Variants in PLAC1 observed in about 807,000 individuals in gnomAD.
PLAC1 encodes placenta-specific protein 1.
For synonymous variants in PLAC1, 68 were observed against 62.1 expected, an observed-to-expected ratio of 1.09 and a Z score of -0.44; for missense variants, 136 against 163.2, an observed-to-expected ratio of 0.83 and a Z score of 0.91.
intron 1 of PLAC1, among the ~76,000 whole-genome samples, chrX:134,620,283 A>G (rs1390178188): frequency 8.9e-6 from 1 of 112,450 alleles, no homozygotes; most frequent in Non-Finnish European, 1.9e-5. Context: ...CTTGCCAACT[A>G]GAGGTCCCAT....
At chrX:134,659,105 G>A (rs138979756), upstream of PLAC1, among the ~76,000 whole-genome samples, 9,092 of 109,816 alleles carry the variant, frequency 0.083, 387 homozygotes, top group Non-Finnish European at 0.12. Flanking sequence ...TGCATGCTGG[G>A]CTTAATATGT....
intron 1 of PLAC1, among the ~76,000 whole-genome samples, chrX:134,751,564 T>C (rs1361865477): frequency 3.6e-5 from 4 of 111,854 alleles, no homozygotes; most frequent in Admixed American, 9.5e-5. Flanking sequence ...GGGCATCTTC[T>C]ACCATTTTGT....
chrX:134,758,219 A>G (rs935496643), intron 1 of PLAC1, among the ~76,000 whole-genome samples: 1 of 111,245 alleles, frequency 9.0e-6, no homozygotes, highest in Non-Finnish European at 1.9e-5. Flanking sequence ...TAAAATGACC[A>G]CATTGCCCAA....
At chrX:134,715,888 G>A (rs1323357661) in intron 2 of PLAC1, among the ~76,000 whole-genome samples, 1 of 112,386 alleles carries the variant, frequency 8.9e-6, no homozygotes, top group Non-Finnish European at 1.9e-5. Flanking sequence ...AGAAGGCCCA[G>A]TGGGGCAGGA....
intron 1 of PLAC1, chrX:134,606,112 T>A (rs1272285514): frequency 9.1e-6 from 1 of 110,112 alleles, no homozygotes; most frequent in Non-Finnish European, 1.9e-5. Flanking sequence ...TGTGGTGGCA[T>A]GCACCTGTAG....
intron 1 of PLAC1, among the ~76,000 whole-genome samples, chrX:134,734,553 C>A (rs1378817172): frequency 8.9e-6 from 1 of 112,600 alleles, no homozygotes; most frequent in Non-Finnish European, 1.9e-5. Flanking sequence ...CTCTCACAGG[C>A]TGCTCTTCCA....
At chrX:134,634,530 C>T (rs7885104) in intron 1 of PLAC1, among the ~76,000 whole-genome samples, 61,445 of 110,669 alleles carry the variant, frequency 0.56, 14,204 homozygotes, top group Non-Finnish European at 0.75. Flanking sequence ...CCCTGAATCC[C>T]CACCCTGCTC....
chrX:134,585,589 C>T (rs1181210860), intron 2 of PLAC1, among the ~76,000 whole-genome samples: 2 of 110,881 alleles, frequency 1.8e-5, no homozygotes, highest in Non-Finnish European at 3.8e-5. Flanking sequence ...AAGTGGGCAA[C>T]TCCAGCTCAT....
At chrX:134,580,889 G>T (rs557194864) in intron 2 of PLAC1, among the ~76,000 whole-genome samples, 1 of 111,630 alleles carries the variant, frequency 9.0e-6, no homozygotes, top group South Asian at 3.8e-4. Flanking sequence ...CTGTTTTGAC[G>T]AGGGAAATGT....
chrX:134,687,812 TAACATATATA>T lies in PLAC1; in HGVS notation n.174+45613_174+45622del, dbSNP rs1171619749. On this transcript the variant is annotated intron_variant and non_coding_transcript_variant, in intron 2 of 2. Coordinates refer to the PLAC1 transcript ENST00000466797. The stretch of plus-strand genomic sequence containing the variant: ...TCATAAGTTTGTTTTAGGACTGAGA[TAACATATATA>T]TATATATATATATATATATATATAT... 1.5e-4 allele frequency among the ~76,000 whole-genome samples: 10 copies of T among 65,717 alleles called. 1 individual carries two copies. The highest frequency in any genetic ancestry group is 7.7e-5 in the Non-Finnish European group (3 of 38,747). The allele number at this position is 65,717 out of a possible 115,157, so 57.1% of individuals were successfully genotyped here. A position where few individuals can be genotyped will look rare whatever the true frequency, so the allele number is the denominator to read the frequency against.
At chrX:134,761,271 G>A (rs1296802995) in intron 1 of PLAC1, among the ~76,000 whole-genome samples, 1 of 111,823 alleles carries the variant, frequency 8.9e-6, no homozygotes, top group Non-Finnish European at 1.9e-5. Context: ...CAATTGCTCT[G>A]GGGGAAAGGA....
chrX:134,763,755 A>G (rs2078776578), intron 1 of PLAC1, among the ~76,000 whole-genome samples: 2 of 107,937 alleles, frequency 1.9e-5, no homozygotes, highest in Admixed American at 2.0e-4. Flanking sequence ...CGGGAGGCGG[A>G]GGTTGCATTG....
intron 2 of PLAC1, among the ~76,000 whole-genome samples, chrX:134,710,854 T>C (rs973165312): frequency 4.5e-5 from 5 of 111,139 alleles, no homozygotes. Context: ...AATACAGTAG[T>C]GTATTTCTCC....
At chrX:134,614,353 G>A (rs766842260) in intron 1 of PLAC1, among the ~76,000 whole-genome samples, 2 of 111,137 alleles carry the variant, frequency 1.8e-5, no homozygotes, top group African/African-American at 3.3e-5. Flanking sequence ...GTACTTTTTT[G>A]TGTGGTAAGA....
chrX:134,755,287 A>G (rs2078753969), intron 1 of PLAC1, among the ~76,000 whole-genome samples: 1 of 112,355 alleles, frequency 8.9e-6, no homozygotes, highest in Non-Finnish European at 1.9e-5. Flanking sequence ...CCAACTATTA[A>G]GTGGTAGCTC....
chrX:134,724,131 T>A (rs755868913), intron 2 of PLAC1, among the ~76,000 whole-genome samples: 1 of 112,116 alleles, frequency 8.9e-6, no homozygotes, highest in East Asian at 2.8e-4. Context: ...GACAACGCAA[T>A]GCCAGGTGGG....
intron 1 of PLAC1, among the ~76,000 whole-genome samples, chrX:134,648,684 T>TA (rs777582689): frequency 7.6e-5 from 8 of 105,785 alleles, no homozygotes; most frequent in African/African-American, 1.4e-4. Flanking sequence ...AGACTCCATC[T>TA]AAAAAAAAAA....
intron 2 of PLAC1, among the ~76,000 whole-genome samples, chrX:134,571,071 C>T (rs946995442): frequency 7.2e-5 from 8 of 111,493 alleles, no homozygotes; most frequent in Non-Finnish European, 9.4e-5. Context: ...ACTGAGATCT[C>T]GTAGTACTTG....
chrX:134,678,363 T>C lies in PLAC1; in HGVS notation n.174+55072A>G, dbSNP rs758081246. On this transcript the variant is annotated intron_variant and non_coding_transcript_variant, in intron 2 of 2. Transcript: ENST00000466797. ...TTTTTCTCAAACATGTCAAGAATAA[T>C]CCTTTCTAAAGACCTTTGCACTTTC... 8.3e-4 allele frequency among the ~76,000 whole-genome samples: 92 copies of C among 111,357 alleles called. 1 individual carries two copies. Among genetic ancestry groups the C allele is most frequent in the Non-Finnish European group, 1.6e-3 (84 of 53,065 alleles).
Sources: gnomAD v4.1 joint callset for allele counts (sites outside exome capture counted in the v4.1 genomes callset) on GRCh38, gnomAD v4.1.1 for gene constraint, MANE v1.5 for transcripts, NCBI Gene and HGNC (gene_info 2026-07-23, HGNC 2026-07-21) for gene names.